Variants in MSL2 observed in about 807,000 individuals in gnomAD.
The protein encoded by MSL2 is E3 ubiquitin-protein ligase MSL2.
MSL2 carries 2 observed loss-of-function variants against 35.8 expected under a neutral mutation model. That is an observed-to-expected ratio of 0.06 (90% CI 0.02 to 0.18). MSL2 has a LOEUF of 0.18. MSL2 is among the 10% of genes least tolerant of loss of function. The probability of loss-of-function intolerance (pLI) is 1.00; values close to 1 mark genes in which losing one functional copy is unlikely to be tolerated. For missense variants in MSL2, 523 were observed against 706.7 expected (o/e 0.74, Z 2.95); for synonymous variants, 296 against 255.7 (o/e 1.16, Z -1.50).
At chr3:136,182,000 T>C (rs1342055415) in intron 1 of MSL2, among the ~76,000 whole-genome samples, 1 of 151,946 alleles carries the variant, frequency 6.6e-6, no homozygotes, top group Non-Finnish European at 1.5e-5. Flanking sequence ...ATTTTTTAAT[T>C]TAAAATTTTT....
chr3:136,169,638 C>T (rs1215993741), intron 1 of MSL2, among the ~76,000 whole-genome samples: 2 of 152,022 alleles, frequency 1.3e-5, no homozygotes, highest in South Asian at 2.1e-4. Context: ...TTAGTAGAGA[C>T]GGGGTTTCAC....
chr3:136,170,508 CTTTTTTT>C (rs71157363), intron 1 of MSL2, among the ~76,000 whole-genome samples: 11 of 81,654 alleles, frequency 1.3e-4, no homozygotes, highest in East Asian at 7.5e-4. Context: ...AAACTCTGTC[CTTTTTTT>C]TTTTTTTTTT....
intron 1 of MSL2, among the ~76,000 whole-genome samples, chr3:136,176,281 C>G (rs976139919): frequency 6.6e-6 from 1 of 151,962 alleles, no homozygotes; most frequent in South Asian, 2.1e-4. Context: ...TGGGAAGCCA[C>G]GGCAGGTGGA....
At position 136,152,019 on chromosome 3, in the gene MSL2, G is replaced by T; in HGVS notation, c.862C>A (p.Pro288Thr). Reference protein sequence around the residue: ...ETVSNTEVCCPNLQPNLEATV... With the variant: ...ETVSNTEVCCTNLQPNLEATV... Reference sequence around the variant, plus strand: ...GCTTCCAAGTTCGGCTGCAAATTAGGGCAACAGACCTCTGTATTTGAAACA... The same window carrying T: ...GCTTCCAAGTTCGGCTGCAAATTAGTGCAACAGACCTCTGTATTTGAAACA... The change falls in exon 2 of 2, where the codon CCT becomes ACT. Residue 288 changes from proline to threonine, a missense_variant. Physicochemically the swap from Pro to Thr is conservative, Grantham distance 38. Transcript: ENST00000309993. 1 of 1,614,090 alleles carries T rather than the reference G, an allele frequency of 6.2e-7. No homozygotes were observed.
In MSL2 at chr3:136,150,031, G is replaced by T. The variant is rs1939306062; in HGVS notation, c.*1116C>A. On this transcript the variant is annotated 3_prime_UTR_variant, in exon 2 of 2. Transcript: ENST00000309993. ...TCTTCCCCATAAAAATTAACCGGAA[G>T]AAGTGCATTTAAACTGAAACATACT... 6.6e-6 allele frequency: 1 copy of T among 152,564 alleles called. No individual in the cohort carries two copies. Among genetic ancestry groups the T allele is most frequent in the Admixed American group, 6.5e-5 (1 of 15,282 alleles). The allele number at this position is 152,564 out of a possible 1,614,324, so 9.5% of individuals were successfully genotyped here. A position where few individuals can be genotyped will look rare whatever the true frequency, so the allele number is the denominator to read the frequency against.
intron 1 of MSL2, 145 bp from the exon 2 acceptor site, chr3:136,152,883 GA>G: frequency 7.0e-7 from 1 of 1,433,902 alleles, no homozygotes; most frequent in Non-Finnish European, 9.1e-7. Flanking sequence ...TATCTTAGAA[GA>G]AACGGAAGAA....
chr3:136,184,616 A>C (rs1463685857), intron 1 of MSL2, among the ~76,000 whole-genome samples: 1 of 151,986 alleles, frequency 6.6e-6, no homozygotes, highest in Non-Finnish European at 1.5e-5. Flanking sequence ...AAAACAAACA[A>C]ACAAAAAAAA....
At chr3:136,192,430 T>A (rs570445975) in intron 1 of MSL2, among the ~76,000 whole-genome samples, 1 of 152,040 alleles carries the variant, frequency 6.6e-6, no homozygotes, top group East Asian at 1.9e-4. Flanking sequence ...CCGCCCACCT[T>A]GGCCTCCCAA....
chr3:136,185,899 C>T (rs965024742), intron 1 of MSL2, among the ~76,000 whole-genome samples: 1 of 144,498 alleles, frequency 6.9e-6, no homozygotes, highest in Non-Finnish European at 1.5e-5. Flanking sequence ...GAAGACAAAA[C>T]TAAAATCAAT....
At chr3:136,194,522 G>C (rs1940780787) in intron 1 of MSL2, 1 of 886,172 alleles carries the variant, frequency 1.1e-6, no homozygotes, top group Non-Finnish European at 1.4e-6. Flanking sequence ...GGGTTCATCA[G>C]CTTAGCCCAC....
intron 1 of MSL2, among the ~76,000 whole-genome samples, chr3:136,170,875 A>G (rs762889690): frequency 6.6e-6 from 1 of 152,066 alleles, no homozygotes; most frequent in Non-Finnish European, 1.5e-5. Flanking sequence ...GCAGGGGGAT[A>G]CCTTTTTAAT....
intron 1 of MSL2, among the ~76,000 whole-genome samples, chr3:136,162,622 A>C (rs1939740949): frequency 6.6e-6 from 1 of 152,188 alleles, no homozygotes. Context: ...GGAGAGACAG[A>C]ACAAAGTGAA....
chr3:136,158,872 A>G (rs1468511668), intron 1 of MSL2, among the ~76,000 whole-genome samples: 1 of 152,228 alleles, frequency 6.6e-6, no homozygotes, highest in African/African-American at 2.4e-5. Flanking sequence ...TAGCATCAAG[A>G]ATATACTTAA....
chr3:136,190,741 A>T (rs1367875092), intron 1 of MSL2, among the ~76,000 whole-genome samples: 2 of 152,206 alleles, frequency 1.3e-5, no homozygotes, highest in African/African-American at 2.4e-5. Flanking sequence ...GCCAAAACTT[A>T]TCAAGTCTCA....
chr3:136,196,031 C>A lies in MSL2; in HGVS notation c.-918G>T, dbSNP rs940728711. The A allele has an allele frequency of 3.0e-5, 5 of 165,368 alleles. No homozygotes were observed. The highest frequency in any genetic ancestry group is 1.8e-4 in the South Asian group (1 of 5,600). The allele number at this position is 165,368 out of a possible 1,614,324, so 10.2% of individuals were successfully genotyped here. The stretch of plus-strand genomic sequence containing the variant: ...CTCCGCCGAGCACGACGGCCGCCGC[C>A]GCCCTCAGCACTCCCCGGCCGCGGA... On this transcript the variant is annotated 5_prime_UTR_variant, in exon 1 of 2. Coordinates refer to ENST00000309993, the MANE Select transcript of MSL2 (RefSeq NM_018133.4).
chr3:136,156,926 G>C (rs1335460585), intron 1 of MSL2, among the ~76,000 whole-genome samples: 1 of 151,322 alleles, frequency 6.6e-6, no homozygotes, highest in African/African-American at 2.4e-5. Flanking sequence ...AACTGTTGAA[G>C]AAGAGAAAAT....
intron 1 of MSL2, among the ~76,000 whole-genome samples, chr3:136,183,090 A>C (rs1430868311): frequency 7.9e-5 from 12 of 152,212 alleles, no homozygotes. Flanking sequence ...TGTAGTACAA[A>C]AATATCCAGC....
Position 136,195,442 on chromosome 3 carries a change from G to A in MSL2, c.-329C>T. The A allele has an allele frequency of 1.9e-6, 2 of 1,046,752 alleles. No homozygotes were observed. Among genetic ancestry groups the A allele is most frequent in the Non-Finnish European group, 1.2e-6 (1 of 869,162 alleles). The allele number at this position is 1,046,752 out of a possible 1,614,324, so 64.8% of individuals were successfully genotyped here. ...GGGACTCGGAGCTCAGTCTAGCCCC[G>A]CGGCTCGGCAGGCGGCCTGCACTCG... On this transcript the variant is annotated 5_prime_UTR_variant, in exon 1 of 2. Coordinates refer to ENST00000309993, the MANE Select transcript of MSL2 (RefSeq NM_018133.4).
chr3:136,156,649 G>A (rs1429229414), intron 1 of MSL2, among the ~76,000 whole-genome samples: 4 of 152,190 alleles, frequency 2.6e-5, no homozygotes, highest in Non-Finnish European at 5.9e-5. Flanking sequence ...CGGATCACGA[G>A]GTCAGGAGAT....
Sources: gnomAD v4.1 joint callset for allele counts (sites outside exome capture counted in the v4.1 genomes callset) on GRCh38, gnomAD v4.1.1 for gene constraint, MANE v1.5 for transcripts, NCBI Gene and HGNC (gene_info 2026-07-23, HGNC 2026-07-21) for gene names.